PFDN2: variants seen among roughly 807,000 people sequenced by gnomAD.
PFDN2 encodes the protein prefoldin subunit 2.
PFDN2 carries 7 observed loss-of-function variants against 18.3 expected under a neutral mutation model. The observed-to-expected ratio is 0.38, with a 90% CI of 0.22 to 0.72. PFDN2 has a LOEUF of 0.72. PFDN2 is among the 30% of genes least tolerant of loss of function. The pLI, the probability that PFDN2 is intolerant of heterozygous loss-of-function variation, is 0.47. For missense variants in PFDN2, 181 were observed against 199.1 expected, an observed-to-expected ratio of 0.91 and a Z score of 0.55; for synonymous variants, 76 against 75.0, an observed-to-expected ratio of 1.01 and a Z score of -0.07.
Position 161,102,308 on chromosome 1 carries a change from T to C in PFDN2, c.143A>G (p.Glu48Gly). The C allele has an allele frequency of 6.2e-7, 1 of 1,614,158 alleles. No homozygotes were observed. Among genetic ancestry groups the C allele is most frequent in the Non-Finnish European group, 8.5e-7 (1 of 1,179,980 alleles). The change falls in exon 2 of 4, where the codon GAG becomes GGG. Residue 48 changes from glutamate to glycine, a missense_variant. Transcript: ENST00000368010. ...TCACCTGTGCTCATTCAACTCCATC[T>C]CCAACTCAGCTGCTTTGGATGCCAG... is the stretch of plus-strand genomic sequence containing the variant. ...RGLASKAAELEMELNEHSLVI... is the reference protein window; with the variant it reads ...RGLASKAAELGMELNEHSLVI...
chr1:161,113,883 A>C (rs1355025531), intron 1 of PFDN2, among the ~76,000 whole-genome samples: 5 of 152,194 alleles, frequency 3.3e-5, no homozygotes, highest in Non-Finnish European at 5.9e-5. Flanking sequence ...GCAGTGATAA[A>C]TCTTGTAATG....
At chr1:161,109,452 T>C (rs1654751922) in intron 1 of PFDN2, among the ~76,000 whole-genome samples, 1 of 152,234 alleles carries the variant, frequency 6.6e-6, no homozygotes, top group African/African-American at 2.4e-5. Flanking sequence ...GACTGCCTTC[T>C]ATTCTTTATC....
intron 1 of PFDN2, among the ~76,000 whole-genome samples, chr1:161,103,865 C>CA (rs1654629185): frequency 6.6e-6 from 1 of 151,972 alleles, no homozygotes; most frequent in Non-Finnish European, 1.5e-5. Flanking sequence ...GGCTCAGAGA[C>CA]AAAAGACCAG....
Position 161,111,000 on chromosome 1 carries a change from C to T in PFDN2, c.75+6952G>A, listed in dbSNP as rs1436933198. Among the ~76,000 whole-genome samples, 3 of 151,782 alleles carry T rather than the reference C, an allele frequency of 2.0e-5. No individual in the cohort carries two copies. In the South Asian group the frequency reaches 6.3e-4, roughly 32 times the overall value. On this transcript the variant is annotated intron_variant, in intron 1 of 3. Coordinates refer to ENST00000368010, the MANE Select transcript of PFDN2 (RefSeq NM_012394.4). ...GACTACAGGCGCCCGCCAATGCGCCCGGCTAACTTTTTGTATTTTTTAGTA... is the reference window on the plus strand; with the variant it reads ...GACTACAGGCGCCCGCCAATGCGCCTGGCTAACTTTTTGTATTTTTTAGTA...
intron 1 of PFDN2, among the ~76,000 whole-genome samples, chr1:161,115,575 A>G (rs1654897619): frequency 6.6e-6 from 1 of 152,192 alleles, no homozygotes; most frequent in Non-Finnish European, 1.5e-5. Flanking sequence ...CTTATCATCA[A>G]TAGTGGCCTA....
At chr1:161,105,889 T>A (rs553845209) in intron 1 of PFDN2, among the ~76,000 whole-genome samples, 3 of 152,342 alleles carry the variant, frequency 2.0e-5, no homozygotes, top group Admixed American at 2.0e-4. Flanking sequence ...TATCTACAGT[T>A]ATTATGGAAA....
At chr1:161,101,190 C>T (rs1172370935) in intron 3 of PFDN2, among the ~76,000 whole-genome samples, 2 of 151,704 alleles carry the variant, frequency 1.3e-5, no homozygotes, top group Non-Finnish European at 2.9e-5. Flanking sequence ...TTTATTTTTT[C>T]ATTTTTTATT....
intron 1 of PFDN2, among the ~76,000 whole-genome samples, chr1:161,107,741 G>T (rs192073957): frequency 6.6e-6 from 1 of 151,814 alleles, no homozygotes; most frequent in East Asian, 1.9e-4. Flanking sequence ...CTTGAACTCG[G>T]GAGGTGAAGG....
intron 3 of PFDN2, among the ~76,000 whole-genome samples, chr1:161,101,207 A>AT (rs112504730): frequency 0.011 from 1,687 of 148,920 alleles, 25 homozygotes; most frequent in South Asian, 0.045. Context: ...TATTTTTAAT[A>AT]TTTTTTTTTT....
At chr1:161,107,064 C>G (rs1321564652) in intron 1 of PFDN2, among the ~76,000 whole-genome samples, 1 of 152,248 alleles carries the variant, frequency 6.6e-6, no homozygotes, top group African/African-American at 2.4e-5. Flanking sequence ...CCCATCCTAG[C>G]CTCCCAAAGT....
At chr1:161,106,970 G>A (rs1432865631) in intron 1 of PFDN2, among the ~76,000 whole-genome samples, 2 of 151,506 alleles carry the variant, frequency 1.3e-5, no homozygotes, top group Non-Finnish European at 1.5e-5. Flanking sequence ...CACTATGCCC[G>A]GCTAATTTCT....
chr1:161,100,780 T>C lies in PFDN2; in HGVS notation c.368A>G (p.Asn123Ser). 1 of 1,614,042 alleles carries C rather than the reference T, an allele frequency of 6.2e-7. No homozygotes were observed. Among genetic ancestry groups the C allele is most frequent in the East Asian group, 2.2e-5 (1 of 44,890 alleles). Reference protein sequence around the residue: ...KELNEFREKHNIRLMGEDEKP... With the variant: ...KELNEFREKHSIRLMGEDEKP... ...CTCATCTTCTCCCATGAGACGAATG[T>C]TGTGCTTTTCCCGGAATTCATTTAG... Residue 123 changes from asparagine (N) to serine (S), a missense_variant, in exon 4 of 4, where the codon AAC becomes AGC. Asn to Ser is a conservative substitution (Grantham distance 46, BLOSUM62 1). Coordinates refer to ENST00000368010, the MANE Select transcript of PFDN2 (RefSeq NM_012394.4).
In PFDN2 at chr1:161,100,631, G is replaced by C; in HGVS notation, c.*52C>G. 4 of 1,183,842 alleles carry C rather than the reference G, an allele frequency of 3.4e-6. No individual in the cohort carries two copies. Among genetic ancestry groups the C allele is most frequent in the Non-Finnish European group, 4.8e-6 (4 of 839,802 alleles). 73.3% of individuals were successfully genotyped at this position (1,183,842 alleles called of 1,614,324 possible). A position where few individuals can be genotyped will look rare whatever the true frequency, so the allele number is the denominator to read the frequency against. On this transcript the variant is annotated 3_prime_UTR_variant, in exon 4 of 4. Coordinates refer to ENST00000368010, the MANE Select transcript of PFDN2 (RefSeq NM_012394.4). The stretch of plus-strand genomic sequence containing the variant: ...AGAAAATAATAATAATAACAATAAA[G>C]AGAAATTAGAAGTGGGAGTCAGGGT...
chr1:161,116,820 C>T (rs111698948), intron 1 of PFDN2, among the ~76,000 whole-genome samples: 6 of 152,098 alleles, frequency 3.9e-5, no homozygotes, highest in African/African-American at 1.4e-4. Flanking sequence ...CGACATCCCG[C>T]AACTGTACTC....
chr1:161,101,602 A>G (rs1212735714), intron 3 of PFDN2, among the ~76,000 whole-genome samples: 1 of 152,156 alleles, frequency 6.6e-6, no homozygotes, highest in Admixed American at 6.5e-5. Context: ...ATTTTGATTC[A>G]TGTATTCGTG....
rs142691653 is a variant in PFDN2 at position 161,117,990 on chromosome 1, C to A, written c.37G>T (p.Gly13Trp). The A allele has an allele frequency of 5.0e-6, 8 of 1,612,712 alleles. No individual in the cohort carries two copies. The highest frequency in any genetic ancestry group is 4.0e-5 in the African/African-American group (3 of 74,912). The change falls in exon 1 of 4, where the codon GGG becomes TGG. Residue 13 changes from glycine (G) to tryptophan (W), a missense_variant. Physicochemically the swap from Gly to Trp is radical, Grantham distance 184. Coordinates refer to ENST00000368010, the MANE Select transcript of PFDN2 (RefSeq NM_012394.4). ...ENSGRAGKSS[G>W]SGAGKGAVSA... ...ACCGCCCCCTTCCCCGCGCCGCTCC[C>A]GCTGCTCTTGCCGGCGCGACCGCTG...
At chr1:161,107,167 T>G (rs1224648363) in intron 1 of PFDN2, among the ~76,000 whole-genome samples, 1 of 152,206 alleles carries the variant, frequency 6.6e-6, no homozygotes, top group Non-Finnish European at 1.5e-5. Context: ...GGCTCACGCC[T>G]GTAATCCCAG....
intron 1 of PFDN2, among the ~76,000 whole-genome samples, chr1:161,117,411 G>C (rs79859331): frequency 0.016 from 2,401 of 152,210 alleles, 59 homozygotes; most frequent in African/African-American, 0.054. Flanking sequence ...ATGCAAACTC[G>C]GATTAGAAAG....
chr1:161,111,706 C>T (rs770321460), intron 1 of PFDN2, among the ~76,000 whole-genome samples: 1 of 152,188 alleles, frequency 6.6e-6, no homozygotes, highest in Non-Finnish European at 1.5e-5. Context: ...TCCTTCCTAT[C>T]TCAAGCCTCC....
Sources: gnomAD v4.1 joint callset for allele counts (sites outside exome capture counted in the v4.1 genomes callset) on GRCh38, gnomAD v4.1.1 for gene constraint, MANE v1.5 for transcripts, NCBI Gene and HGNC (gene_info 2026-07-23, HGNC 2026-07-21) for gene names.